Variants in GPHN observed in about 807,000 individuals in gnomAD.
GPHN encodes gephyrin.
In GPHN, 17 loss-of-function variants were observed where a neutral mutation model predicts 95.5. The observed-to-expected ratio is 0.18, with a 90% CI of 0.12 to 0.27. The LOEUF (loss-of-function observed/expected upper bound fraction) is 0.27, where lower values mean the gene tolerates loss of function less well. Among genes scored for constraint, GPHN ranks in the 10% least tolerant of loss-of-function variants. The pLI, the probability that GPHN is intolerant of heterozygous loss-of-function variation, is 1.00. For missense variants in GPHN, 660 were observed against 978.1 expected, an observed-to-expected ratio of 0.67 and a Z score of 4.34; for synonymous variants, 320 against 322.5, an observed-to-expected ratio of 0.99 and a Z score of 0.08.
intron 1 of GPHN, among the ~76,000 whole-genome samples, chr14:66,526,818 A>G (rs1349160551): frequency 6.6e-6 from 1 of 152,184 alleles, no homozygotes; most frequent in Non-Finnish European, 1.5e-5. Flanking sequence ...CATCCCAGGG[A>G]TGAAGCTGAC....
intron 5 of GPHN, among the ~76,000 whole-genome samples, chr14:66,889,001 A>T (rs2064337752): frequency 6.6e-6 from 1 of 152,172 alleles, no homozygotes; most frequent in Non-Finnish European, 1.5e-5. Flanking sequence ...TTTACAAGAG[A>T]CAAAGGATAT....
intron 1 of GPHN, among the ~76,000 whole-genome samples, chr14:66,562,431 A>G (rs991504512): frequency 4.6e-5 from 7 of 152,276 alleles, no homozygotes; most frequent in Admixed American, 1.3e-4. Context: ...TGTGCATTAT[A>G]AGTATATCCA....
At chr14:67,599,034 T>C in the GPHN span, among the ~76,000 whole-genome samples, 9 of 152,174 alleles carry the variant, frequency 5.9e-5, no homozygotes, top group African/African-American at 2.2e-4. Flanking sequence ...GTTTAGATAG[T>C]TAGATAGTTT....
the GPHN span, among the ~76,000 whole-genome samples, chr14:67,314,593 G>C: frequency 2.0e-5 from 3 of 152,206 alleles, no homozygotes; most frequent in East Asian, 1.9e-4. Context: ...TCTGCCTCAG[G>C]CTTGTGCCAA....
chr14:66,835,615 G>A (rs2153503345), intron 4 of GPHN, among the ~76,000 whole-genome samples: 1 of 152,030 alleles, frequency 6.6e-6, no homozygotes, highest in Admixed American at 6.6e-5. Flanking sequence ...GCAGGAGAAG[G>A]AAATAAAGGG....
chr14:66,723,981 A>G (rs1231901905), intron 2 of GPHN, among the ~76,000 whole-genome samples: 1 of 140,646 alleles, frequency 7.1e-6, no homozygotes, highest in Non-Finnish European at 1.6e-5. Context: ...TATGTCATGC[A>G]TACATACACA....
At chr14:66,697,882 A>G (rs1192293402) in intron 2 of GPHN, among the ~76,000 whole-genome samples, 1 of 151,812 alleles carries the variant, frequency 6.6e-6, no homozygotes, top group Non-Finnish European at 1.5e-5. Context: ...TATTGTAGAG[A>G]GAGGATCTCT....
At chr14:66,930,525 G>GT (rs59312092) in intron 8 of GPHN, among the ~76,000 whole-genome samples, 8,070 of 130,838 alleles carry the variant, frequency 0.062, 283 homozygotes, top group Middle Eastern at 0.094. Flanking sequence ...AAAGTTGTAG[G>GT]TTTTTTTTTT....
At chr14:67,002,407 AT>A (rs1567200350) in intron 9 of GPHN, among the ~76,000 whole-genome samples, 1 of 110,870 alleles carries the variant, frequency 9.0e-6, no homozygotes, top group East Asian at 2.7e-4. Flanking sequence ...ACATATTTTT[AT>A]TTTTTTTAAA....
In GPHN at chr14:66,508,423, G is replaced by T; in HGVS notation, c.-105G>T. 1.0e-6 allele frequency: 1 copy of T among 988,686 alleles called. No individual in the cohort carries two copies. Among genetic ancestry groups the T allele is most frequent in the Admixed American group, 1.7e-5 (1 of 59,034 alleles). The allele number at this position is 988,686 out of a possible 1,614,324, so 61.2% of individuals were successfully genotyped here. A position where few individuals can be genotyped will look rare whatever the true frequency, so the allele number is the denominator to read the frequency against. ...TCCCCGCTCTCCTCGCGCTTCTCTG[G>T]CTCCCTAGCTGTCGCGCTCTCCTCG... On this transcript the variant is annotated 5_prime_UTR_variant, in exon 1 of 23. Coordinates refer to ENST00000478722, the MANE Select transcript of GPHN (RefSeq NM_020806.5).
At chr14:66,579,304 A>G (rs921743492) in intron 1 of GPHN, among the ~76,000 whole-genome samples, 1 of 151,856 alleles carries the variant, frequency 6.6e-6, no homozygotes, top group African/African-American at 2.4e-5. Flanking sequence ...AAAATCTGCA[A>G]AGCTACCAGA....
intron 4 of GPHN, among the ~76,000 whole-genome samples, chr14:66,860,345 A>C (rs2062976480): frequency 6.6e-6 from 1 of 152,128 alleles, no homozygotes; most frequent in African/African-American, 2.4e-5. Context: ...GAAGGAAAAA[A>C]GTTTTGCTCT....
chr14:67,496,514 C>T, the GPHN span, among the ~76,000 whole-genome samples: 1 of 143,700 alleles, frequency 7.0e-6, no homozygotes, highest in Admixed American at 7.5e-5. Flanking sequence ...ATAGGGTGTG[C>T]GATGACTCTT....
chr14:66,683,331 T>TAA, intron 2 of GPHN, among the ~76,000 whole-genome samples: 1 of 15,588 alleles, frequency 6.4e-5, no homozygotes, highest in Admixed American at 9.2e-4. Flanking sequence ...AATGTGGAAA[T>TAA]ATATATATAT....
the GPHN span, among the ~76,000 whole-genome samples, chr14:67,564,102 C>T: frequency 6.6e-6 from 1 of 151,910 alleles, no homozygotes; most frequent in East Asian, 1.9e-4. Context: ...GGGGTTTCAC[C>T]ATGTTAGCCA....
At chr14:67,518,308 T>C in the GPHN span, among the ~76,000 whole-genome samples, 1 of 152,222 alleles carries the variant, frequency 6.6e-6, no homozygotes, top group Non-Finnish European at 1.5e-5. Flanking sequence ...TTGGATGTCT[T>C]AAGGAAGTTC....
At chr14:66,849,527 C>G (rs1437908370) in intron 4 of GPHN, among the ~76,000 whole-genome samples, 1 of 151,894 alleles carries the variant, frequency 6.6e-6, no homozygotes, top group Admixed American at 6.6e-5. Flanking sequence ...TTCCATTAAT[C>G]ATTGTTAATC....
intron 9 of GPHN, among the ~76,000 whole-genome samples, chr14:67,004,770 A>G (rs943102219): frequency 2.0e-5 from 3 of 151,822 alleles, no homozygotes; most frequent in African/African-American, 7.2e-5. Context: ...AAAATGCCGT[A>G]ATACCTCTTT....
At chr14:67,608,105 G>A in the GPHN span, among the ~76,000 whole-genome samples, 11 of 151,894 alleles carry the variant, frequency 7.2e-5, no homozygotes, top group South Asian at 2.3e-3. Flanking sequence ...TTAGCCAGGT[G>A]TTGTGGCACG....
Sources: gnomAD v4.1 joint callset for allele counts (sites outside exome capture counted in the v4.1 genomes callset) on GRCh38, gnomAD v4.1.1 for gene constraint, MANE v1.5 for transcripts, NCBI Gene and HGNC (gene_info 2026-07-23, HGNC 2026-07-21) for gene names.